Variants in RPIA observed in about 807,000 individuals in gnomAD.
RPIA encodes ribose-5-phosphate isomerase.
A neutral mutation model predicts 37.8 loss-of-function variants in RPIA; 29 were observed. The ratio of observed to expected loss-of-function variants is 0.77; its 90% CI spans 0.57 to 1.05. The LOEUF is 1.05. Ranked by LOEUF, RPIA falls within the 50% of genes least tolerant of loss-of-function variation. RPIA has a pLI of 0.00. For synonymous variants in RPIA, 167 were observed against 157.0 expected, an observed-to-expected ratio of 1.06 and a Z score of -0.48; for missense variants, 385 against 413.6, an observed-to-expected ratio of 0.93 and a Z score of 0.60.
chr2:88,724,473 A>AT (rs1673173195), intron 3 of RPIA, among the ~76,000 whole-genome samples: 2 of 151,854 alleles, frequency 1.3e-5, no homozygotes, highest in Non-Finnish European at 2.9e-5. Flanking sequence ...CACCTGGCTA[A>AT]TTTTTTTGTA....
At chr2:88,713,070 T>C (rs1240618673) in intron 3 of RPIA, among the ~76,000 whole-genome samples, 20 of 146,884 alleles carry the variant, frequency 1.4e-4, no homozygotes, top group African/African-American at 5.0e-4. Context: ...GAGGTTTCAC[T>C]ATGTTGGCCA....
At chr2:88,713,833 G>A (rs1672998298) in intron 3 of RPIA, among the ~76,000 whole-genome samples, 1 of 150,008 alleles carries the variant, frequency 6.7e-6, no homozygotes, top group South Asian at 2.1e-4. Flanking sequence ...GTTCTCATGT[G>A]TTCAGTTTCT....
At chr2:88,693,928 T>C (rs1173228557) in intron 1 of RPIA, among the ~76,000 whole-genome samples, 1 of 152,264 alleles carries the variant, frequency 6.6e-6, no homozygotes, top group Non-Finnish European at 1.5e-5. Context: ...AACTAGGCTC[T>C]TCTGAATGTC....
intron 1 of RPIA, among the ~76,000 whole-genome samples, chr2:88,693,566 C>T (rs1676973511): frequency 6.6e-6 from 1 of 152,186 alleles, no homozygotes; most frequent in Admixed American, 6.5e-5. Context: ...ATGTTTTGGT[C>T]ATCTGTGTGT....
intron 3 of RPIA, among the ~76,000 whole-genome samples, chr2:88,704,256 T>TTG (rs1267789522): frequency 2.0e-5 from 3 of 152,186 alleles, no homozygotes; most frequent in African/African-American, 7.2e-5. Flanking sequence ...ACCAACATAC[T>TTG]GTGTTAGTCT....
intron 3 of RPIA, among the ~76,000 whole-genome samples, chr2:88,723,044 G>A (rs931784733): frequency 6.6e-6 from 1 of 152,162 alleles, no homozygotes; most frequent in Non-Finnish European, 1.5e-5. Context: ...AGGAATTTTA[G>A]CGAAATTAGA....
intron 8 of RPIA, among the ~76,000 whole-genome samples, chr2:88,745,912 A>G (rs184560624): frequency 5.1e-4 from 77 of 152,258 alleles, no homozygotes; most frequent in African/African-American, 1.8e-3. Flanking sequence ...CCTCAGGAAC[A>G]TCAGTTATTC....
At chr2:88,704,877 G>A (rs567410034) in intron 3 of RPIA, among the ~76,000 whole-genome samples, 3 of 152,216 alleles carry the variant, frequency 2.0e-5, no homozygotes, top group Non-Finnish European at 4.4e-5. Flanking sequence ...AAAGTCTCAG[G>A]ATACAAAATC....
chr2:88,728,362 T>A (rs1673223719), intron 3 of RPIA, among the ~76,000 whole-genome samples: 6 of 152,338 alleles, frequency 3.9e-5, no homozygotes, highest in Admixed American at 3.9e-4. Context: ...CCTACCTTTT[T>A]ATAGATGAGA....
At chr2:88,712,483 G>T (rs1316110242) in intron 3 of RPIA, among the ~76,000 whole-genome samples, 1 of 152,148 alleles carries the variant, frequency 6.6e-6, no homozygotes, top group East Asian at 1.9e-4. Flanking sequence ...ATAAATGGAA[G>T]ATGAACATTT....
At chr2:88,717,444 G>A (rs377723826) in intron 3 of RPIA, among the ~76,000 whole-genome samples, 9 of 152,142 alleles carry the variant, frequency 5.9e-5, no homozygotes, top group African/African-American at 1.4e-4. Flanking sequence ...AAGCAAAGGC[G>A]GGAAGACTTG....
Position 88,750,144 on chromosome 2 carries a change from C to A in RPIA, c.*66C>A. On this transcript the variant is annotated 3_prime_UTR_variant, in exon 9 of 9. Coordinates refer to ENST00000283646, the MANE Select transcript of RPIA (RefSeq NM_144563.3). ...CCACAGCCAAGGTGGACGTACCTCT[C>A]CAGGAGCCTTTGCCTTAATGTATCT... The A allele has an allele frequency of 8.6e-7, 1 of 1,164,720 alleles. No individual in the cohort carries two copies. The highest frequency in any genetic ancestry group is 1.3e-6 in the Non-Finnish European group (1 of 778,456). 72.1% of individuals were successfully genotyped at this position (1,164,720 alleles called of 1,614,324 possible). A position where few individuals can be genotyped will look rare whatever the true frequency, so the allele number is the denominator to read the frequency against.
At chr2:88,749,915 A>G in intron 8 of RPIA, 66 bp from the exon 9 acceptor site, 1 of 1,087,988 alleles carries the variant, frequency 9.2e-7, no homozygotes, top group Non-Finnish European at 1.4e-6. Context: ...GTGACCCTGC[A>G]GTCTTTGAGT....
intron 3 of RPIA, among the ~76,000 whole-genome samples, chr2:88,724,783 A>C (rs886474299): frequency 2.6e-5 from 4 of 152,194 alleles, no homozygotes; most frequent in Admixed American, 2.0e-4. Context: ...AAGGTAAAGT[A>C]CCTGAAAGCC....
chr2:88,738,937 G>A (rs971490910), intron 8 of RPIA, among the ~76,000 whole-genome samples: 27 of 152,300 alleles, frequency 1.8e-4, no homozygotes, highest in Admixed American at 4.6e-4. Context: ...AGCACCAGGC[G>A]AGGAGAGGCT....
chr2:88,741,520 T>C (rs537566510), intron 8 of RPIA, among the ~76,000 whole-genome samples: 3 of 152,236 alleles, frequency 2.0e-5, no homozygotes, highest in Non-Finnish European at 4.4e-5. Flanking sequence ...TTGCAAGTTG[T>C]TTTGCTATCA....
chr2:88,694,570 C>T (rs1051280974), intron 1 of RPIA, among the ~76,000 whole-genome samples: 1 of 152,176 alleles, frequency 6.6e-6, no homozygotes, highest in Non-Finnish European at 1.5e-5. Flanking sequence ...GCTCTTGGTT[C>T]ATAACACTCA....
At chr2:88,721,507 A>T (rs1030136900) in intron 3 of RPIA, among the ~76,000 whole-genome samples, 1 of 146,248 alleles carries the variant, frequency 6.8e-6, no homozygotes, top group Non-Finnish European at 1.5e-5. Context: ...ATATATGTTA[A>T]TATAAAACAT....
chr2:88,702,628 C>A (rs1258273387), intron 3 of RPIA, among the ~76,000 whole-genome samples: 1 of 152,318 alleles, frequency 6.6e-6, no homozygotes, highest in African/African-American at 2.4e-5. Context: ...TATCTCCCAC[C>A]AGGTCACTCC....
Sources: gnomAD v4.1 joint callset for allele counts (sites outside exome capture counted in the v4.1 genomes callset) on GRCh38, gnomAD v4.1.1 for gene constraint, MANE v1.5 for transcripts, NCBI Gene and HGNC (gene_info 2026-07-23, HGNC 2026-07-21) for gene names.